The following OR5K1 variants were observed in gnomAD, a reference collection of about 807,000 sequenced individuals.
OR5K1 encodes olfactory receptor family 5 subfamily K member 1.
Under a neutral mutation model 10.4 loss-of-function variants are expected in OR5K1, and 7 were observed. The observed-to-expected ratio is 0.67, with a 90% CI of 0.38 to 1.26. The LOEUF (loss-of-function observed/expected upper bound fraction) is 1.26. Among genes scored for constraint, OR5K1 ranks in the 50% most tolerant of loss-of-function variants. The probability of loss-of-function intolerance (pLI) is 0.02; values close to 1 mark genes in which losing one functional copy is unlikely to be tolerated. For synonymous variants in OR5K1, 135 were observed against 128.5 expected (o/e 1.05, Z -0.34); for missense variants, 435 against 366.2 (o/e 1.19, Z -1.53).
intron 1 of OR5K1, among the ~76,000 whole-genome samples, chr3:98,464,200 G>C: frequency 6.6e-6 from 1 of 152,124 alleles, no homozygotes; most frequent in East Asian, 1.9e-4. Flanking sequence ...AGGTTGCAGT[G>C]AGCCAAGACT....
chr3:98,463,384 GT>G (rs933491156), intron 1 of OR5K1, 77 bp downstream of exon 1: 1 of 151,950 alleles, frequency 6.6e-6, no homozygotes, highest in African/African-American at 2.4e-5. Flanking sequence ...GTTATTTAAG[GT>G]TTTTTTCTTA....
rs762235203 is a variant in OR5K1 at position 98,470,286 on chromosome 3, CT to C, written c.715del (p.Ser239LeufsTer42). 5.0e-6 allele frequency: 8 copies of C among 1,613,294 alleles called. No individual in the cohort carries two copies. In the Admixed American group the frequency reaches 8.4e-5, roughly 17 times the overall value. The part of the protein sequence containing the change: ...KMKSKEGRAK[A>X]FSTCASHFLS... ...AAATCCAAAGAGGGAAGGGCCAAAG[CT>C]TTTTCTACCTGTGCATCCCACTTTT... On this transcript the variant is annotated frameshift_variant, in exon 2 of 2. Coordinates refer to ENST00000642057, the MANE Select transcript of OR5K1 (RefSeq NM_001004736.4). LOFTEE classifies it high-confidence loss of function.
rs546982724 is a variant in OR5K1, at chr3:98,469,560, T to C, written c.-11-6T>C. 2.0e-5 allele frequency: 32 copies of C among 1,595,076 alleles called. No individual in the cohort carries two copies. The South Asian group carries it at 2.8e-4, about 14-fold the overall frequency. Reference sequence around the variant, plus strand: ...AGTGCCTTCTTTCTCCACAATTTTTTTTCAGACAAGTCAGGAATGGCTGAA... The same window carrying C: ...AGTGCCTTCTTTCTCCACAATTTTTCTTCAGACAAGTCAGGAATGGCTGAA... On this transcript the variant is annotated splice_region_variant and splice_polypyrimidine_tract_variant and intron_variant, in intron 1 of 1. Coordinates refer to ENST00000642057, the MANE Select transcript of OR5K1 (RefSeq NM_001004736.4).
chr3:98,470,454 GAAATAGGGAAGT>G lies in OR5K1; in HGVS notation c.881_892del (p.Asn294_Val297del), dbSNP rs766165293. ...CTAAATCCTTTCATTTATAGCCTGA[GAAATAGGGAAGT>G]AATAAGTGTCTTAAGAAAAATTCTG... On this transcript the variant is annotated inframe_deletion, in exon 2 of 2. Coordinates refer to ENST00000642057, the MANE Select transcript of OR5K1 (RefSeq NM_001004736.4). 23 of 1,590,712 alleles carry G rather than the reference GAAATAGGGAAGT, an allele frequency of 1.4e-5. No homozygotes were observed. The East Asian group carries it at 4.9e-4, about 34-fold the overall frequency.
Position 98,472,310 on chromosome 3 carries a change from A to G in OR5K1, c.*1807A>G, listed in dbSNP as rs1705458870. On this transcript the variant is annotated 3_prime_UTR_variant, in exon 2 of 2. Coordinates refer to ENST00000642057, the MANE Select transcript of OR5K1 (RefSeq NM_001004736.4). ...TGACCTCTTCCCAGTGGGTCCAGGAAATGTTGAAATGCATCATTTTTGCAC... is the reference window on the plus strand; with the variant it reads ...TGACCTCTTCCCAGTGGGTCCAGGAGATGTTGAAATGCATCATTTTTGCAC... 1 of 151,874 alleles carries G rather than the reference A, an allele frequency of 6.6e-6. No individual in the cohort carries two copies. Among genetic ancestry groups the G allele is most frequent in the African/African-American group, 2.4e-5 (1 of 41,392 alleles). 9.4% of individuals were successfully genotyped at this position (151,874 alleles called of 1,614,324 possible). A position where few individuals can be genotyped will look rare whatever the true frequency, so the allele number is the denominator to read the frequency against.
rs1705442483 is a variant in OR5K1 at position 98,471,187 on chromosome 3, A to G, written c.*684A>G. ...GAGAGTTTTATCTACTCCCATATCTACCTGCATAAATATACCATAACACAA... is the reference window on the plus strand; with the variant it reads ...GAGAGTTTTATCTACTCCCATATCTGCCTGCATAAATATACCATAACACAA... On this transcript the variant is annotated 3_prime_UTR_variant, in exon 2 of 2. Transcript: ENST00000642057. The G allele has an allele frequency of 6.6e-6, 1 of 151,996 alleles. No individual in the cohort carries two copies. Among genetic ancestry groups the G allele is most frequent in the Non-Finnish European group, 1.5e-5 (1 of 67,974 alleles). The allele number at this position is 151,996 out of a possible 1,614,324, so 9.4% of individuals were successfully genotyped here. A position where few individuals can be genotyped will look rare whatever the true frequency, so the allele number is the denominator to read the frequency against.
At position 98,470,165 on chromosome 3, in the gene OR5K1, C is replaced by G; in HGVS notation, c.589C>G (p.Leu197Val). 2 of 1,613,336 alleles carry G rather than the reference C, an allele frequency of 1.2e-6. No individual in the cohort carries two copies. Among genetic ancestry groups the G allele is most frequent in the Non-Finnish European group, 8.5e-7 (1 of 1,179,530 alleles). The change falls in exon 2 of 2, where the codon CTG (leucine) becomes GTG (valine). Residue 197 changes from leucine (L) to valine (V), a missense_variant. Coordinates refer to ENST00000642057, the MANE Select transcript of OR5K1 (RefSeq NM_001004736.4). ...TTGTGTTGATCCTTATATCAATGAA[C>G]TGGTTCTATTCATCTTCTCAGGTTC... ...LSCVDPYINE[L>V]VLFIFSGSVQ...
chr3:98,467,696 CTGTT>C (rs1403403956), intron 1 of OR5K1, among the ~76,000 whole-genome samples: 1 of 115,778 alleles, frequency 8.6e-6, no homozygotes, highest in Non-Finnish European at 1.7e-5. Flanking sequence ...ATTTGGCTCT[CTGTT>C]TGTCTGTTGT....
chr3:98,470,466 T>C lies in OR5K1; in HGVS notation c.890T>C (p.Val297Ala). Residue 297 changes from valine (V) to alanine (A), a missense_variant, in exon 2 of 2, where the codon GTA (valine) becomes GCA (alanine). By Grantham distance (64) the Val-to-Ala change is moderately conservative. Transcript: ENST00000642057. Reference sequence around the variant, plus strand: ...ATTTATAGCCTGAGAAATAGGGAAGTAATAAGTGTCTTAAGAAAAATTCTG... The same window carrying C: ...ATTTATAGCCTGAGAAATAGGGAAGCAATAAGTGTCTTAAGAAAAATTCTG... ...PFIYSLRNREVISVLRKILMK... is the reference protein window; with the variant it reads ...PFIYSLRNREAISVLRKILMK... The C allele has an allele frequency of 6.3e-7, 1 of 1,581,022 alleles. No homozygotes were observed. The highest frequency in any genetic ancestry group is 1.1e-5 in the South Asian group (1 of 88,610).
In OR5K1 at chr3:98,470,302, A is replaced by C. The variant is rs778415833; in HGVS notation, c.726A>C (p.Ala242=). The C allele has an allele frequency of 1.2e-6, 2 of 1,613,354 alleles. No homozygotes were observed. Among genetic ancestry groups the C allele is most frequent in the Non-Finnish European group, 1.7e-6 (2 of 1,179,626 alleles). Residue 242 remains alanine (A), a synonymous_variant, in exon 2 of 2, where the codon GCA becomes GCC. Transcript: ENST00000642057. ...EGRAKAFSTC[A]SHFLSVSLFY... is the part of the protein sequence containing the mutation. Reference sequence around the variant, plus strand: ...GGGCCAAAGCTTTTTCTACCTGTGCATCCCACTTTTTGTCAGTTTCATTAT... The same window carrying C: ...GGGCCAAAGCTTTTTCTACCTGTGCCTCCCACTTTTTGTCAGTTTCATTAT...
rs770455899 is a variant in OR5K1 at position 98,469,649 on chromosome 3, A to G, written c.73A>G (p.Thr25Ala). 1 of 1,613,542 alleles carries G rather than the reference A, an allele frequency of 6.2e-7. No homozygotes were observed. Among genetic ancestry groups the G allele is most frequent in the Non-Finnish European group, 8.5e-7 (1 of 1,179,722 alleles). Residue 25 changes from threonine to alanine, a missense_variant, in exon 2 of 2, where the codon ACT (threonine) becomes GCT (alanine). Physicochemically the swap from Thr to Ala is moderately conservative, Grantham distance 58. Coordinates refer to ENST00000642057, the MANE Select transcript of OR5K1 (RefSeq NM_001004736.4). ...ATTTACAGATCACCCTGAGCTGAAG[A>G]CTCTGCTGTTTGTGGTGTTCTTTGC... ...TGFTDHPELK[T>A]LLFVVFFAIY...
Position 98,469,650 on chromosome 3 carries a change from C to T in OR5K1, c.74C>T (p.Thr25Ile), listed in dbSNP as rs200039033. The T allele has an allele frequency of 7.6e-5, 122 of 1,613,470 alleles. No homozygotes were observed. Among genetic ancestry groups the T allele is most frequent in the Non-Finnish European group, 9.7e-5 (114 of 1,179,738 alleles). The part of the protein sequence containing the change: ...TGFTDHPELK[T>I]LLFVVFFAIY... Reference sequence around the variant, plus strand: ...TTTACAGATCACCCTGAGCTGAAGACTCTGCTGTTTGTGGTGTTCTTTGCC... The same window carrying T: ...TTTACAGATCACCCTGAGCTGAAGATTCTGCTGTTTGTGGTGTTCTTTGCC... The change falls in exon 2 of 2, where the codon ACT becomes ATT. Residue 25 changes from threonine (T) to isoleucine (I), a missense_variant. Physicochemically the swap from Thr to Ile is moderately conservative, Grantham distance 89. Coordinates refer to ENST00000642057, the MANE Select transcript of OR5K1 (RefSeq NM_001004736.4).
chr3:98,465,511 ATGTGAATGTTTAAGAGTT>A (rs1705361086), intron 1 of OR5K1, among the ~76,000 whole-genome samples: 1 of 152,148 alleles, frequency 6.6e-6, no homozygotes, highest in Non-Finnish European at 1.5e-5. Flanking sequence ...TGGCCAAAGG[ATGTGAATGTTTAAGAGTT>A]TCTTTAATTT....
chr3:98,472,270 C>A lies in OR5K1; in HGVS notation c.*1767C>A, dbSNP rs956169425. 3 of 151,864 alleles carry A rather than the reference C, an allele frequency of 2.0e-5. No homozygotes were observed. The highest frequency in any genetic ancestry group is 7.3e-5 in the African/African-American group (3 of 41,370). 9.4% of individuals were successfully genotyped at this position (151,864 alleles called of 1,614,324 possible). ...TCTCTTACTCTTCATCTGCTAATTT[C>A]TGAGTAAATTCTCTTGACCTCTTCC... On this transcript the variant is annotated 3_prime_UTR_variant, in exon 2 of 2. Coordinates refer to ENST00000642057, the MANE Select transcript of OR5K1 (RefSeq NM_001004736.4).
intron 1 of OR5K1, among the ~76,000 whole-genome samples, chr3:98,467,907 G>A (rs1004316783): frequency 6.0e-5 from 9 of 150,122 alleles, no homozygotes; most frequent in African/African-American, 1.5e-4. Context: ...TCTCCTGCCT[G>A]ATTGCCCTGG....
intron 1 of OR5K1, among the ~76,000 whole-genome samples, chr3:98,469,021 T>A (rs575566253): frequency 5.9e-5 from 9 of 152,172 alleles, no homozygotes; most frequent in African/African-American, 2.2e-4. Context: ...AGCAGAGACA[T>A]GGAATCAACC....
At chr3:98,464,369 C>G (rs1187841733) in intron 1 of OR5K1, among the ~76,000 whole-genome samples, 2 of 152,118 alleles carry the variant, frequency 1.3e-5, no homozygotes, top group Non-Finnish European at 2.9e-5. Flanking sequence ...TATATCTTTC[C>G]AAAATGGTTT....
In OR5K1 at chr3:98,470,960, C is replaced by A. The variant is rs1476514685; in HGVS notation, c.*457C>A. The A allele has an allele frequency of 1.3e-5, 2 of 152,614 alleles. No individual in the cohort carries two copies. The highest frequency in any genetic ancestry group is 2.9e-5 in the Non-Finnish European group (2 of 68,482). 9.5% of individuals were successfully genotyped at this position (152,614 alleles called of 1,614,324 possible). On this transcript the variant is annotated 3_prime_UTR_variant, in exon 2 of 2. Transcript: ENST00000642057. ...GATGGTCAACCAGTAAAATCACTTA[C>A]ATCCATGAGCAACAAAATTGTGACA...
chr3:98,469,802 G>C lies in OR5K1; in HGVS notation c.226G>C (p.Ala76Pro), dbSNP rs779385231. ...TCTTGTGGATTCTTGCTGTGCCTGT[G>C]CTATTACCCCCAAAATGTTAGAGAA... ...LALVDSCCAC[A>P]ITPKMLENFF... The change falls in exon 2 of 2, where the codon GCT becomes CCT. Residue 76 changes from alanine (A) to proline (P), a missense_variant. Physicochemically the swap from Ala to Pro is conservative, Grantham distance 27. Transcript: ENST00000642057. The C allele has an allele frequency of 2.9e-5, 47 of 1,613,592 alleles. No individual in the cohort carries two copies. In the East Asian group the frequency reaches 9.8e-4, roughly 34 times the overall value.
Sources: allele counts gnomAD v4.1 joint callset (sites outside exome capture counted in the v4.1 genomes callset), GRCh38; gene constraint gnomAD v4.1.1; transcripts MANE v1.5; gene names NCBI Gene and HGNC (gene_info 2026-07-23, HGNC 2026-07-21).